Variants in STRA6 observed in about 807,000 individuals in gnomAD.
STRA6 encodes the protein receptor for retinol uptake STRA6.
A neutral mutation model predicts 83.6 loss-of-function variants in STRA6; 48 were observed. The observed-to-expected ratio is 0.57, with a 90% CI of 0.46 to 0.73. The LOEUF is 0.73. Ranked by LOEUF, STRA6 falls within the 30% of genes least tolerant of loss-of-function variation. The pLI is 0.00. For synonymous variants in STRA6, 353 were observed against 362.3 expected (o/e 0.97, Z 0.29); for missense variants, 760 against 838.8 (o/e 0.91, Z 1.16).
At chr15:74,193,772 A>G (rs752712154) in intron 8 of STRA6, 28 bp downstream of exon 8, 5 of 1,610,264 alleles carry the variant, frequency 3.1e-6, no homozygotes, top group South Asian at 2.2e-5. Context: ...GTGCTGAGGA[A>G]GAGCTCATCC....
chr15:74,197,504 C>G, intron 3 of STRA6, 81 bp from the exon 4 acceptor site: 1 of 1,252,436 alleles, frequency 8.0e-7, no homozygotes, highest in Non-Finnish European at 1.1e-6. Flanking sequence ...GACTCAGGCC[C>G]CAGGATATCC....
Position 74,197,417 on chromosome 15 carries a change from C to T in STRA6, c.187G>A (p.Val63Met), listed in dbSNP as rs1172282521. ...HACLASLSIL[V>M]LLLLAMLVRR... Reference sequence around the variant, plus strand: ...ACCAGCATGGCCAGGAGCAGCAGCACAAGGATCTGAAAGGAGAGTGCAGAG... The same window carrying T: ...ACCAGCATGGCCAGGAGCAGCAGCATAAGGATCTGAAAGGAGAGTGCAGAG... Residue 63 changes from valine (V) to methionine (M), a missense_variant, in exon 4 of 19, where the codon GTG becomes ATG. Transcript: ENST00000395105. 3 of 1,550,568 alleles carry T rather than the reference C, an allele frequency of 1.9e-6. No individual in the cohort carries two copies. In the African/African-American group the frequency reaches 4.1e-5, roughly 21 times the overall value.
intron 8 of STRA6, among the ~76,000 whole-genome samples, chr15:74,192,302 G>A (rs968322821): frequency 4.6e-5 from 7 of 152,140 alleles, no homozygotes; most frequent in African/African-American, 1.4e-4. Flanking sequence ...CCGGGGGGCC[G>A]CTCCCTTTTC....
intron 5 of STRA6, 135 bp downstream of exon 5, chr15:74,195,873 G>T: frequency 2.3e-6 from 3 of 1,311,832 alleles, no homozygotes; most frequent in East Asian, 2.5e-5. Context: ...AAAAGGTCAC[G>T]TCTCAGGATA....
intron 7 of STRA6, chr15:74,194,271 G>A (rs529806263): frequency 2.7e-5 from 27 of 1,000,704 alleles, no homozygotes; most frequent in African/African-American, 3.4e-5. Flanking sequence ...AAAATCACAC[G>A]AAAGCCTGCC....
upstream of STRA6, chr15:74,207,632 G>A (rs144195302): frequency 2.4e-3 from 3,461 of 1,443,700 alleles, 4 homozygotes; most frequent in Non-Finnish European, 3.0e-3. Context: ...CCCCAACTTC[G>A]ATAGCACGGA....
chr15:74,201,424 C>A (rs1244719585), intron 2 of STRA6, among the ~76,000 whole-genome samples: 1 of 152,146 alleles, frequency 6.6e-6, no homozygotes, highest in African/African-American at 2.4e-5. Context: ...GGCAAGACAT[C>A]CTGGCAGGAG....
intron 8 of STRA6, among the ~76,000 whole-genome samples, chr15:74,192,322 T>A (rs2073587001): frequency 6.6e-6 from 1 of 152,112 alleles, no homozygotes; most frequent in Non-Finnish European, 1.5e-5. Context: ...CAGAGCCAGC[T>A]GTAAACAGGA....
chr15:74,202,860 G>GT, upstream of STRA6: 1 of 1,033,480 alleles, frequency 9.7e-7, no homozygotes. Flanking sequence ...GGCCCCTTTG[G>GT]GCCTCGGTGA....
chr15:74,189,023 C>G, intron 12 of STRA6, 92 bp downstream of exon 12: 1 of 1,483,596 alleles, frequency 6.7e-7, no homozygotes, highest in Non-Finnish European at 9.3e-7. Context: ...CCAAGGGCCC[C>G]CAGTGTGTCC....
At chr15:74,209,694 T>A, upstream of STRA6, 5 of 503,492 alleles carry the variant, frequency 9.9e-6, no homozygotes, top group Non-Finnish European at 1.8e-5. Flanking sequence ...GCATCCCCCC[T>A]CACCTGAGCA....
Position 74,184,875 on chromosome 15 carries a change from G to A in STRA6, c.1166+105C>T, listed in dbSNP as rs351238. 0.59 allele frequency: 694,491 copies of A among 1,174,606 alleles called. 212,589 individuals carry two copies. The highest frequency in any genetic ancestry group is 0.71 in the Middle Eastern group (3,436 of 4,866). The allele number at this position is 1,174,606 out of a possible 1,614,324, so 72.8% of individuals were successfully genotyped here. A position where few individuals can be genotyped will look rare whatever the true frequency, so the allele number is the denominator to read the frequency against. ...GGTGGGCTCCATGACAGCCCGGGCC[G>A]GCAGAGCCCTTCCCTCCCTCCAGGC... On this transcript the variant is annotated intron_variant, in intron 13 of 18. Coordinates refer to ENST00000395105, the MANE Select transcript of STRA6 (RefSeq NM_022369.4).
intron 9 of STRA6, 40 bp downstream of exon 9, chr15:74,191,384 C>T: frequency 6.2e-7 from 1 of 1,611,218 alleles, no homozygotes; most frequent in East Asian, 2.2e-5. Context: ...GCTAACCAGC[C>T]CAATCCATTG....
chr15:74,191,495 T>C lies in STRA6; in HGVS notation c.721-4A>G. ...CAGAGTAGCTGCTCTGCAGCCCCTG[T>C]GGAGACAGACAATTGAACAAGCAGA... is the stretch of plus-strand genomic sequence containing the variant. On this transcript the variant is annotated splice_region_variant and splice_polypyrimidine_tract_variant and intron_variant, in intron 8 of 18. Transcript: ENST00000395105. 6.2e-7 allele frequency: 1 copy of C among 1,613,936 alleles called. No homozygotes were observed. The highest frequency in any genetic ancestry group is 2.2e-5 in the East Asian group (1 of 44,872).
At chr15:74,191,750 T>A in intron 8 of STRA6, 1 of 571,424 alleles carries the variant, frequency 1.8e-6, no homozygotes, top group East Asian at 3.0e-5. Flanking sequence ...TCCTAAGATC[T>A]GTCTCCAACT....
intron 2 of STRA6, among the ~76,000 whole-genome samples, chr15:74,200,682 C>A (rs2074018961): frequency 6.6e-6 from 1 of 152,192 alleles, no homozygotes; most frequent in Non-Finnish European, 1.5e-5. Flanking sequence ...AGGGGGATGG[C>A]AGGCAGCTCA....
At position 74,180,240 on chromosome 15, in the gene STRA6, A is replaced by C; in HGVS notation, c.1844T>G (p.Met615Arg). Residue 615 changes from methionine (M) to arginine (R), a missense_variant, in exon 19 of 19, where the codon ATG becomes AGG. Met to Arg is a moderately conservative substitution (Grantham distance 91, BLOSUM62 -1). Coordinates refer to ENST00000395105, the MANE Select transcript of STRA6 (RefSeq NM_022369.4). ...GGAGTCCTTTGTCTGTAGCAGCTGC[A>C]TCCCTGAGAGAGACGGACTTTCTGT... ...SLRPGEEDEG[M>R]QLLQTKDSMA... The C allele has an allele frequency of 2.5e-6, 4 of 1,614,076 alleles. No homozygotes were observed. The highest frequency in any genetic ancestry group is 3.4e-6 in the Non-Finnish European group (4 of 1,180,016).
At chr15:74,194,830 C>T in intron 7 of STRA6, 1 of 1,340,484 alleles carries the variant, frequency 7.5e-7, no homozygotes, top group South Asian at 2.5e-5. Flanking sequence ...GAGTTCTAGA[C>T]TGGACAGCTT....
At chr15:74,194,440 T>C in intron 7 of STRA6, 1 of 1,023,342 alleles carries the variant, frequency 9.8e-7, no homozygotes, top group South Asian at 4.2e-5. Context: ...AGGTTCTAGG[T>C]GGTGAAAAAA....
Sources: gnomAD v4.1 joint callset for allele counts (sites outside exome capture counted in the v4.1 genomes callset) on GRCh38, gnomAD v4.1.1 for gene constraint, MANE v1.5 for transcripts, NCBI Gene and HGNC (gene_info 2026-07-23, HGNC 2026-07-21) for gene names.